The following CYTH3 variants were observed in gnomAD, a reference collection of about 807,000 sequenced individuals.
CYTH3 encodes the protein cytohesin 3, also known as cytohesin-3.
CYTH3 carries 23 observed loss-of-function variants against 55.1 expected under a neutral mutation model. That is an observed-to-expected ratio of 0.42 (90% CI 0.30 to 0.59). The LOEUF (loss-of-function observed/expected upper bound fraction) is 0.59, where lower values mean the gene tolerates loss of function less well. Ranked by LOEUF, CYTH3 falls within the 20% of genes least tolerant of loss-of-function variation. The pLI is 0.20. For missense variants in CYTH3, 413 were observed against 524.8 expected (o/e 0.79, Z 2.08); for synonymous variants, 249 against 194.9 (o/e 1.28, Z -2.31).
chr7:6,267,090 T>C (rs1240436086), intron 1 of CYTH3, among the ~76,000 whole-genome samples: 1 of 152,222 alleles, frequency 6.6e-6, no homozygotes, highest in Non-Finnish European at 1.5e-5. Context: ...TCTTCCCTCT[T>C]GCTCCTGCTC....
At chr7:6,204,286 G>A (rs1784135049) in intron 1 of CYTH3, among the ~76,000 whole-genome samples, 1 of 152,186 alleles carries the variant, frequency 6.6e-6, no homozygotes, top group South Asian at 2.1e-4. Context: ...AATTTCAAAG[G>A]ATTGGTGTAG....
chr7:6,213,294 T>C (rs1463948222), intron 1 of CYTH3, among the ~76,000 whole-genome samples: 1 of 152,234 alleles, frequency 6.6e-6, no homozygotes, highest in Non-Finnish European at 1.5e-5. Context: ...TTTCATTCAT[T>C]TTCACGGTCT....
At chr7:6,239,486 C>T (rs1332282497) in intron 1 of CYTH3, among the ~76,000 whole-genome samples, 2 of 152,054 alleles carry the variant, frequency 1.3e-5, no homozygotes, top group African/African-American at 2.4e-5. Context: ...ATGGAGGGTC[C>T]AAGTGAACAT....
At chr7:6,267,290 A>C (rs1042754896) in intron 1 of CYTH3, among the ~76,000 whole-genome samples, 1 of 152,188 alleles carries the variant, frequency 6.6e-6, no homozygotes, top group African/African-American at 2.4e-5. Flanking sequence ...GCAATGCAAA[A>C]ACGGCATGAC....
At chr7:6,165,920 G>A (rs1782986906) in intron 9 of CYTH3, 110 bp from the exon 10 acceptor site, 1 of 1,087,200 alleles carries the variant, frequency 9.2e-7, no homozygotes, top group African/African-American at 1.6e-5. Flanking sequence ...AAGGCCACCA[G>A]GCGCCAGGCT....
At chr7:6,247,314 C>T (rs1288806573) in intron 1 of CYTH3, among the ~76,000 whole-genome samples, 1 of 152,224 alleles carries the variant, frequency 6.6e-6, no homozygotes, top group Non-Finnish European at 1.5e-5. Flanking sequence ...GTAACCCTCT[C>T]CCCAGGTTCT....
rs1446236130 is a variant in CYTH3, at chr7:6,242,034, AAC to A, written c.34+30438_34+30439del. Among the ~76,000 whole-genome samples, 4 of 152,124 alleles carry A rather than the reference AAC, an allele frequency of 2.6e-5. No homozygotes were observed. The South Asian group carries it at 8.3e-4, about 32-fold the overall frequency. On this transcript the variant is annotated intron_variant, in intron 1 of 12. Transcript: ENST00000350796. ...TTGCATATACCACTGTAACACAATA[AAC>A]ACACCTTTACACAAAGGAAGGGAAC...
intron 1 of CYTH3, among the ~76,000 whole-genome samples, chr7:6,194,469 A>T (rs1357656955): frequency 1.3e-5 from 2 of 152,290 alleles, no homozygotes; most frequent in African/African-American, 2.4e-5. Context: ...AAAAACAAAA[A>T]ACAAAAAAAC....
At chr7:6,235,492 C>T (rs1441803819) in intron 1 of CYTH3, among the ~76,000 whole-genome samples, 1 of 139,814 alleles carries the variant, frequency 7.2e-6, no homozygotes, top group East Asian at 2.0e-4. Context: ...AAAAAAAAAA[C>T]TGCTTAGTGC....
chr7:6,205,478 G>A (rs1215225964), intron 1 of CYTH3, among the ~76,000 whole-genome samples: 1 of 152,012 alleles, frequency 6.6e-6, no homozygotes, highest in Non-Finnish European at 1.5e-5. Flanking sequence ...GGAGGCTGAG[G>A]CAGGAGAACC....
intron 1 of CYTH3, among the ~76,000 whole-genome samples, chr7:6,264,162 G>C (rs1583208237): frequency 6.6e-6 from 1 of 151,960 alleles, no homozygotes; most frequent in Non-Finnish European, 1.5e-5. Context: ...CAGAAGAATC[G>C]CTTGAATCCA....
rs1491219669 is a variant in CYTH3 at position 6,259,772 on chromosome 7, T to TAATATATATATATATAA, written c.34+12701_34+12702insTTATATATATATATATT. 3.0e-4 allele frequency among the ~76,000 whole-genome samples: 9 copies of TAATATATATATATATAA among 30,502 alleles called. No homozygotes were observed. The East Asian group carries it at 3.8e-3, about 13-fold the overall frequency. The allele number at this position is 30,502 out of a possible 152,430, so 20.0% of individuals were successfully genotyped here. A position where few individuals can be genotyped will look rare whatever the true frequency, so the allele number is the denominator to read the frequency against. On this transcript the variant is annotated intron_variant, in intron 1 of 12. Transcript: ENST00000350796. ...TATATATATATTATATATATATATA[T>TAATATATATATATATAA]TATATATATATAATATATATATATA... is the stretch of plus-strand genomic sequence containing the variant.
chr7:6,165,193 C>T lies in CYTH3; in HGVS notation c.1127+80G>A, dbSNP rs1408903644. 3.2e-6 allele frequency: 5 copies of T among 1,561,138 alleles called. No homozygotes were observed. In the African/African-American group the frequency reaches 5.5e-5, roughly 17 times the overall value. On this transcript the variant is annotated intron_variant, in intron 12 of 12. Coordinates refer to ENST00000350796, the MANE Select transcript of CYTH3 (RefSeq NM_004227.4). ...GAAGGTCCACTCTTGCACACGGAAG[C>T]ATCCATGTTCCAGACCATCCCCCGC...
rs1401961247 is a variant in CYTH3 at position 6,164,467 on chromosome 7, T to C, written c.*477A>G. 1 of 154,588 alleles carries C rather than the reference T, an allele frequency of 6.5e-6. No homozygotes were observed. The highest frequency in any genetic ancestry group is 1.4e-5 in the Non-Finnish European group (1 of 69,494). 9.6% of individuals were successfully genotyped at this position (154,588 alleles called of 1,614,324 possible). A position where few individuals can be genotyped will look rare whatever the true frequency, so the allele number is the denominator to read the frequency against. ...GAATAAAAAACTGGTAGCTTTTCCT[T>C]TCCTGTTTTGCTATAAAACAGTGGC... On this transcript the variant is annotated 3_prime_UTR_variant, in exon 13 of 13. Coordinates refer to ENST00000350796, the MANE Select transcript of CYTH3 (RefSeq NM_004227.4).
chr7:6,171,239 G>A lies in CYTH3; in HGVS notation c.525C>T (p.Arg175=), dbSNP rs763032008. 3 of 1,614,178 alleles carry A rather than the reference G, an allele frequency of 1.9e-6. No homozygotes were observed. Among genetic ancestry groups the A allele is most frequent in the Admixed American group, 1.7e-5 (1 of 60,032 alleles). ...IDRMMEAFAS[R]YCLCNPGVFQ... ...AGACCCCGGGGTTGCACAGGCAGTA[G>A]CGAGAAGCGAAAGCCTCCATCATGC... Residue 175 remains arginine, a synonymous_variant, in exon 7 of 13, where the codon CGC becomes CGT. Transcript: ENST00000350796. The surrounding 1 kb of genome is among the most constrained non-coding windows in gnomAD (Gnocchi z 6.7).
chr7:6,234,292 G>A (rs1268719052), intron 1 of CYTH3, among the ~76,000 whole-genome samples: 1 of 152,158 alleles, frequency 6.6e-6, no homozygotes, highest in African/African-American at 2.4e-5. Flanking sequence ...CAGTGAAGGA[G>A]GCACCCACTG....
intron 4 of CYTH3, 141 bp downstream of exon 4, chr7:6,186,909 T>G (rs1783668721): frequency 1.2e-6 from 1 of 837,584 alleles, no homozygotes. Context: ...AGCCCCTTTT[T>G]GATAAAAATG....
chr7:6,165,361 C>T lies in CYTH3; in HGVS notation c.1039G>A (p.Asp347Asn), dbSNP rs1447043436. 3.7e-6 allele frequency: 6 copies of T among 1,614,070 alleles called. No homozygotes were observed. Among genetic ancestry groups the T allele is most frequent in the African/African-American group, 2.7e-5 (2 of 74,948 alleles). ...TGGTTCCCCTCTACCACGCGGCCGT[C>T]GGCCTCAGTCTTACAGGCCTTGATG... is the stretch of plus-strand genomic sequence containing the variant. ...QVIKACKTEA[D>N]GRVVEGNHVV... The change falls in exon 12 of 13, where the codon GAC becomes AAC. Residue 347 changes from aspartate (D) to asparagine (N), a missense_variant. By Grantham distance (23) the Asp-to-Asn change is conservative. Coordinates refer to ENST00000350796, the MANE Select transcript of CYTH3 (RefSeq NM_004227.4).
intron 1 of CYTH3, among the ~76,000 whole-genome samples, chr7:6,259,783 TA>T (rs1429250679): frequency 0.019 from 361 of 18,802 alleles, 13 homozygotes; most frequent in East Asian, 0.11. Context: ...TATATATATA[TA>T]ATATATATAT....
Sources: gnomAD v4.1 joint callset for allele counts (sites outside exome capture counted in the v4.1 genomes callset) on GRCh38, gnomAD v4.1.1 for gene constraint, Gnocchi (gnomAD v3.1) non-coding constraint, MANE v1.5 for transcripts, NCBI Gene and HGNC (gene_info 2026-07-23, HGNC 2026-07-21) for gene names.